Variants in HECTD3 observed in about 807,000 individuals in gnomAD.
The protein encoded by HECTD3 is E3 ubiquitin-protein ligase HECTD3.
Under a neutral mutation model 109.3 loss-of-function variants are expected in HECTD3, and 72 were observed. The ratio of observed to expected loss-of-function variants is 0.66; its 90% CI spans 0.54 to 0.80. HECTD3 has a LOEUF of 0.80. HECTD3 is among the 30% of genes least tolerant of loss of function. HECTD3 has a pLI of 0.00. For missense variants in HECTD3, 1,041 were observed against 1,165.2 expected, an observed-to-expected ratio of 0.89 and a Z score of 1.55; for synonymous variants, 481 against 471.8, an observed-to-expected ratio of 1.02 and a Z score of -0.25.
In HECTD3 at chr1:45,009,592, G is replaced by C. The variant is rs1441759959; in HGVS notation, c.851C>G (p.Thr284Ser). Residue 284 changes from threonine to serine, a missense_variant, in exon 5 of 21, where the codon ACT becomes AGT. This residue lies in a region of HECTD3 where 472 missense variants were observed against 449.9 expected (regional missense o/e 1.05). Coordinates refer to ENST00000372172, the MANE Select transcript of HECTD3 (RefSeq NM_024602.6). ...CTTGACAATGGTGCCCTTCTTCATA[G>C]TAAGCCGTACCCAGTGTTGGCACTG... ...GSQCQHWVRL[T>S]MKKGTIVKKL... The C allele has an allele frequency of 6.2e-7, 1 of 1,613,862 alleles. No individual in the cohort carries two copies. Among genetic ancestry groups the C allele is most frequent in the Non-Finnish European group, 8.5e-7 (1 of 1,179,790 alleles).
At position 45,004,232 on chromosome 1, in the gene HECTD3, G is replaced by A. The variant is rs1299015742; in HGVS notation, c.2272+16C>T. ...GTGCTGTGCTGCCCTGCCCTGCCCT[G>A]CCTTGGGGAACTCACTGAGCTTGCG... On this transcript the variant is annotated intron_variant, in intron 17 of 20. Coordinates refer to ENST00000372172, the MANE Select transcript of HECTD3 (RefSeq NM_024602.6). The A allele has an allele frequency of 2.5e-6, 4 of 1,614,012 alleles. No individual in the cohort carries two copies. The highest frequency in any genetic ancestry group is 2.7e-5 in the African/African-American group (2 of 75,054).
intron 9 of HECTD3, among the ~76,000 whole-genome samples, chr1:45,007,900 CT>C (rs11355812): frequency 0.23 from 35,476 of 152,198 alleles, 4,484 homozygotes; most frequent in Admixed American, 0.33. Context: ...TGCCCACATC[CT>C]TCCACCCTCA....
rs796388421 is a variant in HECTD3 at position 45,011,269 on chromosome 1, G to A, written c.-12C>T. ...CCAGGACCCGCCATGGCGAAGTGGCGGAGGTGAGCACCTAGAGGCGACCCT... is the reference window on the plus strand; with the variant it reads ...CCAGGACCCGCCATGGCGAAGTGGCAGAGGTGAGCACCTAGAGGCGACCCT... On this transcript the variant is annotated 5_prime_UTR_variant, in exon 1 of 21. Coordinates refer to ENST00000372172, the MANE Select transcript of HECTD3 (RefSeq NM_024602.6). 89 of 1,355,386 alleles carry A rather than the reference G, an allele frequency of 6.6e-5. No individual in the cohort carries two copies. The African/African-American group carries it at 1.3e-3, about 20-fold the overall frequency. 84.0% of individuals were successfully genotyped at this position (1,355,386 alleles called of 1,614,324 possible).
At chr1:45,007,943 C>T (rs60060850) in intron 9 of HECTD3, among the ~76,000 whole-genome samples, 9,895 of 152,202 alleles carry the variant, frequency 0.065, 1,083 homozygotes, top group African/African-American at 0.22. Flanking sequence ...TACTGGCACA[C>T]TTTTCTCAAG....
intron 9 of HECTD3, 85 bp downstream of exon 9, chr1:45,008,155 G>C: frequency 9.2e-7 from 1 of 1,090,366 alleles, no homozygotes; most frequent in Non-Finnish European, 1.4e-6. Context: ...CCCTAGAGTA[G>C]ATTTTAGGAA....
chr1:45,006,169 G>A lies in HECTD3; in HGVS notation c.1726-53C>T. On this transcript the variant is annotated intron_variant, in intron 13 of 20. Coordinates refer to ENST00000372172, the MANE Select transcript of HECTD3 (RefSeq NM_024602.6). The surrounding 1 kb of genome is among the most constrained non-coding windows in gnomAD (Gnocchi z 4.7). ...GGCATGAGATACACCCTATTTTCCT[G>A]GCCCAAAGACTTCCCTGAACATTTT... The A allele has an allele frequency of 1.3e-6, 2 of 1,586,902 alleles. No homozygotes were observed. The highest frequency in any genetic ancestry group is 1.7e-6 in the Non-Finnish European group (2 of 1,160,592).
Position 45,006,367 on chromosome 1 carries a change from G to A in HECTD3, c.1726-251C>T, listed in dbSNP as rs1023489406. The A allele has an allele frequency of 3.2e-5, 16 of 499,686 alleles. No homozygotes were observed. Among genetic ancestry groups the A allele is most frequent in the Non-Finnish European group, 4.6e-5 (13 of 283,342 alleles). The allele number at this position is 499,686 out of a possible 1,614,324, so 31.0% of individuals were successfully genotyped here. ...GTCACCCAGGCTGGAGTGCAGTGGC[G>A]TGATCTCGGCTCACTGCAACCTCCG... On this transcript the variant is annotated intron_variant, in intron 13 of 20. Coordinates refer to ENST00000372172, the MANE Select transcript of HECTD3 (RefSeq NM_024602.6). This position sits in a 1 kb window ranked among gnomAD's most constrained non-coding sequence, Gnocchi z 4.7.
In HECTD3 at chr1:45,005,784, T is replaced by A. The variant is rs1644730209; in HGVS notation, c.1935+10A>T. The A allele has an allele frequency of 6.3e-7, 1 of 1,575,672 alleles. No homozygotes were observed. Among genetic ancestry groups the A allele is most frequent in the Non-Finnish European group, 8.6e-7 (1 of 1,163,126 alleles). ...GGGCAGAGGAAACACTGGTTCCAGG[T>A]CCTACTCACCAGCACAGAGTCCACA... On this transcript the variant is annotated intron_variant, in intron 15 of 20. Transcript: ENST00000372172.
rs776224338 is a variant in HECTD3 at position 45,003,932 on chromosome 1, G to A, written c.2352C>T (p.Asp784=). The A allele has an allele frequency of 1.9e-5, 30 of 1,613,328 alleles. No homozygotes were observed. Among genetic ancestry groups the A allele is most frequent in the Non-Finnish European group, 2.5e-5 (30 of 1,179,632 alleles). The change falls in exon 19 of 21, where the codon GAC becomes GAT. Residue 784 remains aspartate, a synonymous_variant. Transcript: ENST00000372172. This position sits in a 1 kb window ranked among gnomAD's most constrained non-coding sequence, Gnocchi z 4.7. ...WEALNNFTNE[D]RSRFLRFVTG... is the part of the protein sequence containing the mutation. ...TGACAAAGCGCAGGAAGCGGCTCCG[G>A]TCCTCTGGAGGGAGAAGGAAATCAG...
Position 45,006,898 on chromosome 1 carries a change from C to T in HECTD3, c.1621+53G>A. The stretch of plus-strand genomic sequence containing the variant: ...TCATTAGCTGGTGAAAAGCCTCTAC[C>T]ACTTTGATAGGGCAGCAAGCAGGAC... On this transcript the variant is annotated intron_variant, in intron 12 of 20. Transcript: ENST00000372172. The surrounding 1 kb of genome is among the most constrained non-coding windows in gnomAD (Gnocchi z 4.7). 1.2e-6 allele frequency: 2 copies of T among 1,602,792 alleles called. No individual in the cohort carries two copies. Among genetic ancestry groups the T allele is most frequent in the East Asian group, 2.2e-5 (1 of 44,828 alleles).
intron 15 of HECTD3, chr1:45,005,030 G>A (rs1644722261): frequency 1.7e-6 from 1 of 595,998 alleles, no homozygotes; most frequent in East Asian, 2.8e-5. Context: ...TGTCTCAGCT[G>A]AGACCCAAAT....
chr1:45,003,842 C>G lies in HECTD3; in HGVS notation c.2429+13G>C. ...GCGGCCATGGCACCTTCAGGCCTCC[C>G]TCCAGCACTCACCCCAGCTTGTCTG... On this transcript the variant is annotated intron_variant, in intron 19 of 20. Transcript: ENST00000372172. The surrounding 1 kb of genome is among the most constrained non-coding windows in gnomAD (Gnocchi z 4.7). The G allele has an allele frequency of 6.2e-7, 1 of 1,612,748 alleles. No homozygotes were observed. Among genetic ancestry groups the G allele is most frequent in the Non-Finnish European group, 8.5e-7 (1 of 1,179,178 alleles).
intron 18 of HECTD3, 31 bp downstream of exon 18, chr1:45,004,028 AC>A: frequency 6.2e-7 from 1 of 1,613,534 alleles, no homozygotes; most frequent in East Asian, 2.2e-5. Context: ...CAGAGTCCAA[AC>A]CCAGGTGTCA....
In HECTD3 at chr1:45,010,619, C is replaced by A; in HGVS notation, c.457G>T (p.Val153Leu). ...CRPAEGGARL[V>L]PIDTPNHLQR... ...AGGTGGTTGGGAGTGTCGATGGGTA[C>A]CAGGCGGGCTCCGCCCTCCGCCGGG... The change falls in exon 2 of 21, where the codon GTA becomes TTA. Residue 153 changes from valine to leucine, a missense_variant. Around this residue, in one of 2 missense-constraint regions of HECTD3, gnomAD observed 472 missense variants for 449.9 expected, o/e 1.05. Transcript: ENST00000372172. 14 of 1,612,026 alleles carry A rather than the reference C, an allele frequency of 8.7e-6. No individual in the cohort carries two copies. Among genetic ancestry groups the A allele is most frequent in the Non-Finnish European group, 1.2e-5 (14 of 1,179,770 alleles).
Position 45,007,558 on chromosome 1 carries a change from G to A in HECTD3, c.1358C>T (p.Pro453Leu). Residue 453 changes from proline (P) to leucine (L), a missense_variant, in exon 10 of 21, where the codon CCA (proline) becomes CTA (leucine). Around this residue, in one of 2 missense-constraint regions of HECTD3, gnomAD observed 569 missense variants for 715.3 expected, o/e 0.80. Transcript: ENST00000372172. The stretch of plus-strand genomic sequence containing the variant: ...ACGCAGGCACTGAGCCACCAGGCCT[G>A]GCCGCTGGCGGGACAGCAGTAGGAA... Reference protein sequence around the residue: ...KQFLLLSRQRPGLVAQCLRDS... With the variant: ...KQFLLLSRQRLGLVAQCLRDS... 2 of 1,613,202 alleles carry A rather than the reference G, an allele frequency of 1.2e-6. No individual in the cohort carries two copies. Among genetic ancestry groups the A allele is most frequent in the Non-Finnish European group, 1.7e-6 (2 of 1,180,004 alleles).
At position 45,010,689 on chromosome 1, in the gene HECTD3, G is replaced by A. The variant is rs757418212; in HGVS notation, c.387C>T (p.His129=). 3 of 1,562,254 alleles carry A rather than the reference G, an allele frequency of 1.9e-6. No individual in the cohort carries two copies. Among genetic ancestry groups the A allele is most frequent in the Admixed American group, 1.8e-5 (1 of 54,264 alleles). ...CTTCCTGCAGCCCGCAGTCGCCCAG[G>A]TGCTCTGCCAGCTGCTCCTGCCGGG... ...VKLTKEQLAE[H]LGDCGLQEGW... The change falls in exon 2 of 21, where the codon CAC becomes CAT. Residue 129 remains histidine, a synonymous_variant. Transcript: ENST00000372172.
intron 17 of HECTD3, 37 bp downstream of exon 17, chr1:45,004,211 T>C (rs750648773): frequency 8.7e-6 from 14 of 1,613,916 alleles, no homozygotes; most frequent in African/African-American, 1.3e-5. Flanking sequence ...TGTGCTGTGC[T>C]GTGCTGCCCT....
intron 16 of HECTD3, 43 bp downstream of exon 16, chr1:45,004,557 G>GGA: frequency 6.2e-7 from 1 of 1,608,646 alleles, no homozygotes; most frequent in East Asian, 2.2e-5. Context: ...CTGGGGCTCA[G>GGA]GAGGGGCCAA....
chr1:45,008,833 C>T, intron 7 of HECTD3, 132 bp from the exon 8 acceptor site: 1 of 737,580 alleles, frequency 1.4e-6, no homozygotes. Context: ...CCTTCGGGAT[C>T]ACCTTCTATC....
Sources: gnomAD v4.1 joint callset for allele counts (sites outside exome capture counted in the v4.1 genomes callset) on GRCh38, gnomAD v4.1.1 for gene constraint, gnomAD v4.1.1 regional missense constraint, Gnocchi (gnomAD v3.1) non-coding constraint, MANE v1.5 for transcripts, NCBI Gene and HGNC (gene_info 2026-07-23, HGNC 2026-07-21) for gene names.